The following BANK1 variants were observed in gnomAD, a reference collection of about 807,000 sequenced individuals.
BANK1 encodes B-cell scaffold protein with ankyrin repeats.
Under a neutral mutation model 94.5 loss-of-function variants are expected in BANK1, and 95 were observed. The ratio of observed to expected loss-of-function variants is 1.00; its 90% CI spans 0.85 to 1.19. The LOEUF is 1.19. BANK1 is among the 50% of genes most tolerant of loss of function. The pLI is 0.00. For missense variants in BANK1, 987 were observed against 932.2 expected, an observed-to-expected ratio of 1.06 and a Z score of -0.77; for synonymous variants, 334 against 308.4, an observed-to-expected ratio of 1.08 and a Z score of -0.87.
At chr4:101,800,718 C>A (rs2148850166) in intron 1 of BANK1, among the ~76,000 whole-genome samples, 1 of 152,270 alleles carries the variant, frequency 6.6e-6, no homozygotes, top group South Asian at 2.1e-4. Context: ...TTAGGCAATT[C>A]TTGTTACACG....
intron 7 of BANK1, among the ~76,000 whole-genome samples, chr4:101,932,975 GT>G (rs2148906121): frequency 6.6e-6 from 1 of 151,478 alleles, no homozygotes; most frequent in South Asian, 2.1e-4. Context: ...TTTCCCTGTG[GT>G]TTTGAAATGG....
chr4:101,970,975 G>A (rs542264360), intron 7 of BANK1, among the ~76,000 whole-genome samples: 6 of 152,238 alleles, frequency 3.9e-5, no homozygotes, highest in South Asian at 4.1e-4. Flanking sequence ...GCGTGCAGGC[G>A]TGTAATGAGG....
intron 5 of BANK1, among the ~76,000 whole-genome samples, chr4:101,880,068 T>C (rs1728621103): frequency 6.6e-6 from 1 of 152,058 alleles, no homozygotes; most frequent in South Asian, 2.1e-4. Flanking sequence ...TTATTCAACA[T>C]AGTACTGAAA....
intron 8 of BANK1, among the ~76,000 whole-genome samples, chr4:102,023,834 A>G (rs1185610671): frequency 1.3e-5 from 2 of 152,218 alleles, no homozygotes; most frequent in Admixed American, 1.3e-4. Context: ...CCATACAGAA[A>G]TAATAAAGTT....
chr4:101,830,252 T>A lies in BANK1; in HGVS notation c.469+46T>A, dbSNP rs776955446. The A allele has an allele frequency of 9.1e-6, 13 of 1,422,210 alleles. No individual in the cohort carries two copies. The South Asian group carries it at 2.1e-4, about 23-fold the overall frequency. The allele number at this position is 1,422,210 out of a possible 1,614,324, so 88.1% of individuals were successfully genotyped here. Reference sequence around the variant, plus strand: ...TTGTTTTATTTTTATTTGTTTTTTTTTTTTTGTAATTAAAGAATTGCAAGT... The same window carrying A: ...TTGTTTTATTTTTATTTGTTTTTTTATTTTTGTAATTAAAGAATTGCAAGT... On this transcript the variant is annotated intron_variant, in intron 2 of 16. Transcript: ENST00000322953.
chr4:101,985,850 GTTTAC>G (rs1725467523), intron 7 of BANK1, among the ~76,000 whole-genome samples: 1 of 151,940 alleles, frequency 6.6e-6, no homozygotes. Context: ...ATGAGTCTTT[GTTTAC>G]TTTATGCATT....
chr4:101,803,793 C>T lies in BANK1; in HGVS notation c.70+12843C>T, dbSNP rs377052432. 2.9e-4 allele frequency among the ~76,000 whole-genome samples: 43 copies of T among 150,842 alleles called. No homozygotes were observed. In the East Asian group the frequency reaches 3.3e-3, roughly 12 times the overall value. On this transcript the variant is annotated intron_variant, in intron 1 of 16. Transcript: ENST00000322953. ...CGGGCGGATCACGAGGTCAGGAGATCGAGACCATCCCGGCTAAAACGGTGA... is the reference window on the plus strand; with the variant it reads ...CGGGCGGATCACGAGGTCAGGAGATTGAGACCATCCCGGCTAAAACGGTGA...
rs528628418 is a variant in BANK1, at chr4:101,862,677, A to G, written c.763+13A>G. ...ATGAAAGCTTTAGGTAAGAATGTTT[A>G]TGATTTAATAAGCATAAAACATTAT... On this transcript the variant is annotated intron_variant, in intron 4 of 16. Coordinates refer to ENST00000322953, the MANE Select transcript of BANK1 (RefSeq NM_017935.5). 3.6e-5 allele frequency: 57 copies of G among 1,586,072 alleles called. No individual in the cohort carries two copies. The highest frequency in any genetic ancestry group is 2.3e-4 in the South Asian group (20 of 85,170).
chr4:102,030,336 T>A, intron 10 of BANK1, 71 bp downstream of exon 10: 2 of 1,423,638 alleles, frequency 1.4e-6, no homozygotes, highest in Non-Finnish European at 1.9e-6. Context: ...GAGGAGGGGA[T>A]AAGGTGATGC....
Position 101,971,736 on chromosome 4 carries a change from A to G in BANK1, c.1207-49778A>G, listed in dbSNP as rs565398833. ...AGTTTTCCCAAAACCATTTATTGAA[A>G]TGACTGTTCTTTTCCCATTATGTAT... On this transcript the variant is annotated intron_variant, in intron 7 of 16. Coordinates refer to ENST00000322953, the MANE Select transcript of BANK1 (RefSeq NM_017935.5). 9.4e-4 allele frequency among the ~76,000 whole-genome samples: 143 copies of G among 152,244 alleles called. 1 individual carries two copies. The highest frequency in any genetic ancestry group is 3.3e-3 in the African/African-American group (136 of 41,556).
intron 7 of BANK1, among the ~76,000 whole-genome samples, chr4:102,004,918 C>A (rs929384183): frequency 3.9e-5 from 6 of 152,040 alleles, no homozygotes; most frequent in African/African-American, 1.4e-4. Flanking sequence ...ATATTGAATG[C>A]TACGTGTAAT....
chr4:101,961,591 A>C (rs891433597), intron 7 of BANK1, among the ~76,000 whole-genome samples: 14 of 152,110 alleles, frequency 9.2e-5, no homozygotes, highest in Non-Finnish European at 2.1e-4. Flanking sequence ...CATTGGTTTT[A>C]CTGTCAAACT....
chr4:101,908,690 G>T (rs1029122446), intron 6 of BANK1, among the ~76,000 whole-genome samples: 2 of 152,030 alleles, frequency 1.3e-5, no homozygotes, highest in Non-Finnish European at 2.9e-5. Context: ...AATCTACAAT[G>T]AACTCAAACA....
In BANK1 at chr4:101,878,132, C is replaced by G. The variant is rs184571414; in HGVS notation, c.903+7488C>G. 2.5e-3 allele frequency among the ~76,000 whole-genome samples: 383 copies of G among 151,970 alleles called. 3 individuals carry two copies. Among genetic ancestry groups the G allele is most frequent in the Middle Eastern group, 6.8e-3 (2 of 294 alleles). Reference sequence around the variant, plus strand: ...AGTAAAAACCTTAAATGTAAATGGACTAAACTCTTCAATCAAAAGACAGAA... The same window carrying G: ...AGTAAAAACCTTAAATGTAAATGGAGTAAACTCTTCAATCAAAAGACAGAA... On this transcript the variant is annotated intron_variant, in intron 5 of 16. Transcript: ENST00000322953.
At chr4:102,025,006 G>C (rs1337699675) in intron 8 of BANK1, among the ~76,000 whole-genome samples, 195 bp from the exon 9 acceptor site, 1 of 152,142 alleles carries the variant, frequency 6.6e-6, no homozygotes, top group Non-Finnish European at 1.5e-5. Flanking sequence ...AGCTTTGACT[G>C]TTCATTTGGT....
rs566230991 is a variant in BANK1 at position 101,997,571 on chromosome 4, G to C, written c.1207-23943G>C. Among the ~76,000 whole-genome samples the C allele has an allele frequency of 1.3e-5, 2 of 151,818 alleles. 1 individual carries two copies. The highest frequency in any genetic ancestry group is 4.8e-5 in the African/African-American group (2 of 41,332). On this transcript the variant is annotated intron_variant, in intron 7 of 16. Coordinates refer to ENST00000322953, the MANE Select transcript of BANK1 (RefSeq NM_017935.5). ...GTACTAGGCTTTTTTTTTATTGTTAGGCTATTAATTACTGCCTCAATTTCA... is the reference window on the plus strand; with the variant it reads ...GTACTAGGCTTTTTTTTTATTGTTACGCTATTAATTACTGCCTCAATTTCA...
intron 13 of BANK1, among the ~76,000 whole-genome samples, chr4:102,070,474 A>G (rs1728722983): frequency 6.6e-6 from 1 of 152,148 alleles, no homozygotes; most frequent in South Asian, 2.1e-4. Context: ...CACTCACCTA[A>G]TTACTGAGAA....
intron 4 of BANK1, among the ~76,000 whole-genome samples, chr4:101,866,802 T>TG (rs1239900410): frequency 2.4e-5 from 2 of 82,610 alleles, no homozygotes; most frequent in Non-Finnish European, 4.6e-5. Context: ...TAAGAAAATG[T>TG]GGCACATATA....
intron 13 of BANK1, among the ~76,000 whole-genome samples, chr4:102,063,739 C>T (rs993211971): frequency 3.0e-4 from 46 of 151,300 alleles, no homozygotes; most frequent in Admixed American, 3.0e-3. Context: ...GGAGAACCCC[C>T]CCGGAAGGCA....
Sources: allele counts gnomAD v4.1 joint callset (sites outside exome capture counted in the v4.1 genomes callset), GRCh38; gene constraint gnomAD v4.1.1; transcripts MANE v1.5; gene names NCBI Gene and HGNC (gene_info 2026-07-23, HGNC 2026-07-21).